The following BBOF1 variants were observed in gnomAD, a reference collection of about 807,000 sequenced individuals.
The protein encoded by BBOF1 is basal body orientation factor 1.
A neutral mutation model predicts 68.0 loss-of-function variants in BBOF1; 62 were observed. The ratio of observed to expected loss-of-function variants is 0.91; its 90% CI spans 0.74 to 1.13. The LOEUF (loss-of-function observed/expected upper bound fraction) is 1.13, where lower values mean the gene tolerates loss of function less well. Among genes scored for constraint, BBOF1 ranks in the 50% most tolerant of loss-of-function variants. The pLI, the probability that BBOF1 is intolerant of heterozygous loss-of-function variation, is 0.00. For missense variants in BBOF1, 534 were observed against 600.1 expected (o/e 0.89, Z 1.15); for synonymous variants, 208 against 198.8 (o/e 1.05, Z -0.39).
chr14:74,046,533 T>C (rs2190894), intron 6 of BBOF1, among the ~76,000 whole-genome samples: 36,562 of 151,608 alleles, frequency 0.24, 4,974 homozygotes, highest in South Asian at 0.46. Context: ...CCACCACACC[T>C]GGCTAATTGT....
intron 11 of BBOF1, chr14:74,059,344 T>C (rs191334537): frequency 4.6e-5 from 21 of 456,380 alleles, no homozygotes. Flanking sequence ...TTTTCATGGT[T>C]GGAACAATCC....
chr14:74,035,545 G>A (rs1211379982), intron 4 of BBOF1, among the ~76,000 whole-genome samples: 2 of 146,746 alleles, frequency 1.4e-5, no homozygotes, highest in African/African-American at 5.1e-5. Context: ...AGCCTCCCGA[G>A]TAGCTGGGAT....
At chr14:74,069,158 G>A (rs967173903), downstream of BBOF1, 30 of 590,662 alleles carry the variant, frequency 5.1e-5, no homozygotes, top group African/African-American at 5.4e-4. Flanking sequence ...AGGCTGGAGT[G>A]CAGTGGCACA....
chr14:74,036,080 G>A (rs938406447), intron 4 of BBOF1, among the ~76,000 whole-genome samples: 2 of 151,432 alleles, frequency 1.3e-5, no homozygotes, highest in Non-Finnish European at 2.9e-5. Flanking sequence ...TTTTGAGATG[G>A]AGTGTTGCTC....
At chr14:74,071,734 T>C (rs890367923) in intron 9 of BBOF1, 2 of 1,454,454 alleles carry the variant, frequency 1.4e-6, no homozygotes, top group East Asian at 2.4e-5. Context: ...AGTAAATCAG[T>C]CTTAGGGATA....
intron 9 of BBOF1, chr14:74,071,833 G>T: frequency 1.3e-6 from 2 of 1,565,810 alleles, no homozygotes. Flanking sequence ...CCCATTCTGC[G>T]ATCTTTGCCT....
chr14:74,075,017 C>G (rs767569064), intron 9 of BBOF1: 16 of 1,613,700 alleles, frequency 9.9e-6, no homozygotes, highest in Non-Finnish European at 1.3e-5. Flanking sequence ...TTGGAAGAAA[C>G]CTGTGAGGCA....
chr14:74,049,635 C>G, intron 7 of BBOF1, 67 bp from the exon 8 acceptor site: 1 of 1,388,654 alleles, frequency 7.2e-7, no homozygotes, highest in Non-Finnish European at 9.6e-7. Flanking sequence ...GCCCTCCAGC[C>G]TGGGCGACAG....
rs750577458 is a variant in BBOF1 at position 74,022,980 on chromosome 14, G to T, written c.121G>T (p.Ala41Ser). 6 of 1,613,394 alleles carry T rather than the reference G, an allele frequency of 3.7e-6. No homozygotes were observed. Among genetic ancestry groups the T allele is most frequent in the Non-Finnish European group, 3.4e-6 (4 of 1,179,646 alleles). ...CAAGGCCAATGCCTCCCTTTGGGAG[G>T]CCAGGTTGGAAGTCACAGAACTCTC... The part of the protein sequence containing the change: ...RAKANASLWE[A>S]RLEVTELSRI... Residue 41 changes from alanine (A) to serine (S), a missense_variant, in exon 2 of 12, where the codon GCC (alanine) becomes TCC (serine). Coordinates refer to ENST00000394009, the MANE Select transcript of BBOF1 (RefSeq NM_025057.3).
chr14:74,047,848 G>A (rs2059984920), intron 6 of BBOF1, 82 bp from the exon 7 acceptor site: 1 of 1,217,568 alleles, frequency 8.2e-7, no homozygotes, highest in Non-Finnish European at 1.1e-6. Flanking sequence ...TATTGGGGGT[G>A]CAGGTGGTGA....
chr14:74,037,990 A>G (rs1428525118), intron 4 of BBOF1, among the ~76,000 whole-genome samples: 2 of 147,368 alleles, frequency 1.4e-5, no homozygotes, highest in Non-Finnish European at 3.0e-5. Context: ...TCTTTTCTGT[A>G]TGTTCCCATA....
chr14:74,028,960 A>G (rs1450817265), intron 2 of BBOF1, among the ~76,000 whole-genome samples: 1 of 152,000 alleles, frequency 6.6e-6, no homozygotes, highest in African/African-American at 2.4e-5. Context: ...ACACACACAC[A>G]CACACACAAA....
intron 4 of BBOF1, among the ~76,000 whole-genome samples, chr14:74,039,385 G>A (rs2059780724): frequency 6.6e-6 from 1 of 152,022 alleles, no homozygotes; most frequent in South Asian, 2.1e-4. Context: ...ATTATAAACT[G>A]TGGGGATCAT....
In BBOF1 at chr14:74,047,558, T is replaced by C. The variant is rs1372850256; in HGVS notation, c.648-372T>C. ...AAGTGGTTCTCCTTCCTCAGCTTCC[T>C]GAGTAGCTGCGACAGACTACAGGTG... On this transcript the variant is annotated intron_variant, in intron 6 of 11. Coordinates refer to ENST00000394009, the MANE Select transcript of BBOF1 (RefSeq NM_025057.3). Among the ~76,000 whole-genome samples the C allele has an allele frequency of 2.0e-5, 3 of 152,138 alleles. No individual in the cohort carries two copies. In the East Asian group the frequency reaches 5.8e-4, roughly 29 times the overall value.
Position 74,064,964 on chromosome 14 carries a change from C to T in BBOF1, c.*265C>T, listed in dbSNP as rs2060436400. ...GTGTCATATCCTAAGGACAAAGGAA[C>T]TCTCCATTTAGAAACACAAAGGCAT... is the stretch of plus-strand genomic sequence containing the variant. On this transcript the variant is annotated 3_prime_UTR_variant, in exon 12 of 12. Coordinates refer to ENST00000394009, the MANE Select transcript of BBOF1 (RefSeq NM_025057.3). The T allele has an allele frequency of 1.3e-6, 2 of 1,568,126 alleles. No individual in the cohort carries two copies. The highest frequency in any genetic ancestry group is 1.4e-5 in the African/African-American group (1 of 73,816).
chr14:74,064,791 G>A lies in BBOF1; in HGVS notation c.*92G>A. ...ATATCTTTAAGAAAATTTCTTAAAG[G>A]AAAAGACAAAAAATTTAACTCAAAA... On this transcript the variant is annotated 3_prime_UTR_variant, in exon 12 of 12. Transcript: ENST00000394009. 1 of 1,612,522 alleles carries A rather than the reference G, an allele frequency of 6.2e-7. No homozygotes were observed. Among genetic ancestry groups the A allele is most frequent in the East Asian group, 2.2e-5 (1 of 44,862 alleles).
intron 2 of BBOF1, among the ~76,000 whole-genome samples, chr14:74,025,834 A>G (rs985353459): frequency 6.6e-6 from 1 of 152,000 alleles, no homozygotes; most frequent in Non-Finnish European, 1.5e-5. Flanking sequence ...GGGAATATAA[A>G]ACATGAGGCT....
At chr14:74,068,985 T>C, downstream of BBOF1, 1 of 1,613,568 alleles carries the variant, frequency 6.2e-7, no homozygotes, top group Non-Finnish European at 8.5e-7. Flanking sequence ...TTTACAGCTT[T>C]AAGAAGAAAA....
intron 7 of BBOF1, 88 bp downstream of exon 7, chr14:74,048,162 T>G (rs2059992176): frequency 7.7e-7 from 1 of 1,294,392 alleles, no homozygotes; most frequent in Admixed American, 2.4e-5. Context: ...AATAATGATA[T>G]ATAAGGACAA....
Sources: gnomAD v4.1 joint callset for allele counts (sites outside exome capture counted in the v4.1 genomes callset) on GRCh38, gnomAD v4.1.1 for gene constraint, MANE v1.5 for transcripts, NCBI Gene and HGNC (gene_info 2026-07-23, HGNC 2026-07-21) for gene names.